NAALADL2: variants seen among roughly 807,000 people sequenced by gnomAD.
The protein encoded by NAALADL2 is inactive N-acetylated-alpha-linked acidic dipeptidase-like protein 2.
NAALADL2 carries 76 observed loss-of-function variants against 87.2 expected under a neutral mutation model. That is an observed-to-expected ratio of 0.87 (90% CI 0.72 to 1.05). NAALADL2 has a LOEUF of 1.05. Ranked by LOEUF, NAALADL2 falls within the 50% of genes least tolerant of loss-of-function variation. The pLI, the probability that NAALADL2 is intolerant of heterozygous loss-of-function variation, is 0.00. For synonymous variants in NAALADL2, 354 were observed against 331.0 expected (o/e 1.07, Z -0.75); for missense variants, 1,089 against 945.8 (o/e 1.15, Z -1.99).
intron 1 of NAALADL2, among the ~76,000 whole-genome samples, chr3:175,072,369 T>C (rs543787391): frequency 2.7e-5 from 4 of 149,110 alleles, no homozygotes; most frequent in South Asian, 2.2e-4. Flanking sequence ...TAATAAATGC[T>C]AGTTGTTATT....
intron 11 of NAALADL2, among the ~76,000 whole-genome samples, chr3:175,694,184 T>C (rs75808939): frequency 0.055 from 8,302 of 152,168 alleles, 772 homozygotes; most frequent in African/African-American, 0.19. Context: ...TGGTACAATA[T>C]AGACATTATA....
chr3:174,806,005 T>C (rs1360433987), intron 3 of NAALADL2, among the ~76,000 whole-genome samples: 1 of 152,194 alleles, frequency 6.6e-6, no homozygotes, highest in Non-Finnish European at 1.5e-5. Flanking sequence ...TAGCAGCAGC[T>C]ACTACTAACT....
intron 1 of NAALADL2, among the ~76,000 whole-genome samples, chr3:174,462,318 A>G (rs1048091890): frequency 6.6e-6 from 1 of 152,154 alleles, no homozygotes; most frequent in African/African-American, 2.4e-5. Flanking sequence ...TGATGTAGCC[A>G]CCTTCTTTCC....
At chr3:175,673,948 T>A (rs1046651146) in intron 11 of NAALADL2, among the ~76,000 whole-genome samples, 2 of 151,696 alleles carry the variant, frequency 1.3e-5, no homozygotes, top group African/African-American at 4.8e-5. Flanking sequence ...TTAAGAAGAG[T>A]TATATTTATT....
chr3:175,558,295 G>T (rs1341491982), intron 9 of NAALADL2, among the ~76,000 whole-genome samples: 1 of 150,488 alleles, frequency 6.6e-6, no homozygotes, highest in Non-Finnish European at 1.5e-5. Flanking sequence ...TTTCCCTATA[G>T]ATTTGTTTGA....
intron 1 of NAALADL2, among the ~76,000 whole-genome samples, chr3:174,493,239 A>T (rs73881176): frequency 0.014 from 2,131 of 152,280 alleles, 49 homozygotes; most frequent in African/African-American, 0.049. Flanking sequence ...TATTTTTAGA[A>T]GTGATAATGT....
chr3:175,243,342 ACACGCACG>A (rs1553830157), intron 3 of NAALADL2, among the ~76,000 whole-genome samples: 1 of 150,838 alleles, frequency 6.6e-6, no homozygotes, highest in Non-Finnish European at 1.5e-5. Context: ...ACACACACAC[ACACGCACG>A]CACACACACA....
chr3:174,689,084 G>A (rs577168373), intron 2 of NAALADL2, among the ~76,000 whole-genome samples: 1 of 151,930 alleles, frequency 6.6e-6, no homozygotes, highest in East Asian at 1.9e-4. Flanking sequence ...ATATGGCATA[G>A]CAATAATAGA....
intron 5 of NAALADL2, among the ~76,000 whole-genome samples, chr3:175,428,132 T>C (rs1156588876): frequency 6.6e-5 from 10 of 152,080 alleles, no homozygotes; most frequent in African/African-American, 2.4e-4. Context: ...AACCCCCAAA[T>C]GTTCAAACTT....
At chr3:174,554,750 T>C (rs1430129026) in intron 2 of NAALADL2, among the ~76,000 whole-genome samples, 1 of 151,862 alleles carries the variant, frequency 6.6e-6, no homozygotes, top group Non-Finnish European at 1.5e-5. Context: ...AAATTTTTTG[T>C]AGTCATATAT....
chr3:175,407,171 G>A (rs1341315791), intron 5 of NAALADL2, among the ~76,000 whole-genome samples: 1 of 152,190 alleles, frequency 6.6e-6, no homozygotes, highest in East Asian at 1.9e-4. Context: ...GAGACAGAAC[G>A]AGACTCCATC....
At chr3:175,212,178 T>G (rs902564858) in intron 2 of NAALADL2, among the ~76,000 whole-genome samples, 3 of 152,012 alleles carry the variant, frequency 2.0e-5, no homozygotes, top group African/African-American at 4.8e-5. Context: ...CTTATTACCT[T>G]TAGTAATAAG....
At chr3:174,505,456 A>C (rs1275125598) in intron 1 of NAALADL2, among the ~76,000 whole-genome samples, 1 of 152,224 alleles carries the variant, frequency 6.6e-6, no homozygotes, top group East Asian at 1.9e-4. Context: ...GAGAAGGTTT[A>C]AGATTCAAGG....
chr3:175,060,822 T>C (rs1041930561), intron 1 of NAALADL2, among the ~76,000 whole-genome samples: 3 of 152,004 alleles, frequency 2.0e-5, no homozygotes, highest in African/African-American at 7.2e-5. Flanking sequence ...CCGAGGTGAG[T>C]GGATCACCTG....
chr3:174,992,493 A>C (rs968272195), intron 1 of NAALADL2, among the ~76,000 whole-genome samples: 1 of 151,952 alleles, frequency 6.6e-6, no homozygotes, highest in African/African-American at 2.4e-5. Flanking sequence ...GTGCATTTTT[A>C]TTTACTACAT....
intron 3 of NAALADL2, among the ~76,000 whole-genome samples, chr3:174,780,031 G>T (rs1461539146): frequency 6.6e-6 from 1 of 152,056 alleles, no homozygotes; most frequent in African/African-American, 2.4e-5. Flanking sequence ...GCTTGATGGG[G>T]ATAGCATTGA....
intron 1 of NAALADL2, among the ~76,000 whole-genome samples, chr3:174,955,924 A>T (rs1335988790): frequency 4.6e-5 from 7 of 152,034 alleles, no homozygotes; most frequent in Admixed American, 4.6e-4. Context: ...AAAACTTGTG[A>T]TTTGTTCCAG....
chr3:175,738,523 A>C (rs1744824901), intron 12 of NAALADL2, among the ~76,000 whole-genome samples: 1 of 152,206 alleles, frequency 6.6e-6, no homozygotes, highest in Non-Finnish European at 1.5e-5. Context: ...CTGGAATTAC[A>C]GGCATGAGCC....
intron 5 of NAALADL2, among the ~76,000 whole-genome samples, chr3:175,423,965 G>T (rs955308237): frequency 6.6e-6 from 1 of 152,130 alleles, no homozygotes; most frequent in African/African-American, 2.4e-5. Flanking sequence ...TTTCTAACTG[G>T]TGTGAGATGG....
Sources: allele counts gnomAD v4.1 joint callset (sites outside exome capture counted in the v4.1 genomes callset), GRCh38; gene constraint gnomAD v4.1.1; transcripts MANE v1.5; gene names NCBI Gene and HGNC (gene_info 2026-07-23, HGNC 2026-07-21).